XPNPEP3: variants seen among roughly 807,000 people sequenced by gnomAD.
The protein encoded by XPNPEP3 is X-prolyl aminopeptidase 3, also known as xaa-Pro aminopeptidase 3.
Under a neutral mutation model 60.0 loss-of-function variants are expected in XPNPEP3, and 41 were observed. The ratio of observed to expected loss-of-function variants is 0.68; its 90% confidence interval spans 0.53 to 0.89. The LOEUF (loss-of-function observed/expected upper bound fraction) is 0.89, where lower values mean the gene tolerates loss of function less well. XPNPEP3 is among the 40% of genes least tolerant of loss of function. The pLI is 0.00. For missense variants in XPNPEP3, 598 were observed against 638.9 expected, an observed-to-expected ratio of 0.94 and a Z score of 0.69; for synonymous variants, 212 against 223.2, an observed-to-expected ratio of 0.95 and a Z score of 0.45.
intron 4 of XPNPEP3, among the ~76,000 whole-genome samples, chr22:40,892,653 T>C (rs980004170): frequency 2.0e-5 from 3 of 152,188 alleles, no homozygotes; most frequent in Non-Finnish European, 4.4e-5. Context: ...ACTGTTTCAT[T>C]TGTACAACTG....
chr22:40,903,208 G>GA (rs2058141590), intron 4 of XPNPEP3, among the ~76,000 whole-genome samples: 1 of 152,202 alleles, frequency 6.6e-6, no homozygotes, highest in Non-Finnish European at 1.5e-5. Flanking sequence ...GCTAATTTCA[G>GA]ACCTGCTGGA....
At chr22:40,868,300 G>A (rs907837861) in intron 1 of XPNPEP3, among the ~76,000 whole-genome samples, 3 of 151,956 alleles carry the variant, frequency 2.0e-5, no homozygotes, top group Non-Finnish European at 2.9e-5. Context: ...CTGAGTTTTA[G>A]GACACAGCTT....
chr22:40,891,652 C>CA (rs753299355), intron 4 of XPNPEP3, among the ~76,000 whole-genome samples: 291 of 113,800 alleles, frequency 2.6e-3, no homozygotes, highest in African/African-American at 3.4e-3. Flanking sequence ...GACTCCATCT[C>CA]AAAAAAAAAA....
At chr22:40,898,933 C>T (rs1298925857) in intron 4 of XPNPEP3, among the ~76,000 whole-genome samples, 2 of 152,114 alleles carry the variant, frequency 1.3e-5, no homozygotes, top group East Asian at 1.9e-4. Flanking sequence ...GACAGTTGCC[C>T]ATATCTAGAT....
chr22:40,924,713 G>A (rs1744151366), intron 9 of XPNPEP3, among the ~76,000 whole-genome samples: 2 of 152,176 alleles, frequency 1.3e-5, no homozygotes, highest in South Asian at 4.2e-4. Context: ...AGTAGAGACG[G>A]GGTTTCGCCA....
At chr22:40,889,541 A>G (rs531876386) in intron 4 of XPNPEP3, among the ~76,000 whole-genome samples, 1 of 152,360 alleles carries the variant, frequency 6.6e-6, no homozygotes, top group South Asian at 2.1e-4. Context: ...CAAAATACAT[A>G]GACAAGCAGG....
At position 40,882,097 on chromosome 22, in the gene XPNPEP3, C is replaced by G; in HGVS notation, c.509C>G (p.Thr170Ser). The G allele has an allele frequency of 6.2e-7, 1 of 1,614,108 alleles. No homozygotes were observed. The highest frequency in any genetic ancestry group is 8.5e-7 in the Non-Finnish European group (1 of 1,180,004). Residue 170 changes from threonine to serine, a missense_variant, in exon 3 of 10, where the codon ACT becomes AGT. By Grantham distance (58) the Thr-to-Ser change is moderately conservative. Coordinates refer to ENST00000357137, the MANE Select transcript of XPNPEP3 (RefSeq NM_022098.4). ...CTTTGGGATGGTCCGCGATCTGGCA[C>G]TGATGGAGCAATAGCTCTAACTGGA... ...RELWDGPRSG[T>S]DGAIALTGVD...
chr22:40,900,885 A>T (rs1388161362), intron 4 of XPNPEP3, among the ~76,000 whole-genome samples: 2 of 152,148 alleles, frequency 1.3e-5, no homozygotes, highest in Non-Finnish European at 2.9e-5. Flanking sequence ...GTGAGCCAAG[A>T]TCACAGCACT....
intron 8 of XPNPEP3, among the ~76,000 whole-genome samples, chr22:40,923,248 A>G (rs2146281432): frequency 6.6e-6 from 1 of 152,114 alleles, no homozygotes; most frequent in Non-Finnish European, 1.5e-5. Flanking sequence ...TTAACTTTTA[A>G]TCCTTTTATG....
At chr22:40,901,637 G>A (rs1296007223) in intron 4 of XPNPEP3, among the ~76,000 whole-genome samples, 1 of 152,138 alleles carries the variant, frequency 6.6e-6, no homozygotes, top group Non-Finnish European at 1.5e-5. Context: ...ACCACGCCTG[G>A]CTAATTTTTG....
At chr22:40,900,086 A>G (rs560886199) in intron 4 of XPNPEP3, among the ~76,000 whole-genome samples, 2 of 152,088 alleles carry the variant, frequency 1.3e-5, no homozygotes, top group African/African-American at 4.8e-5. Context: ...AAATACATAA[A>G]TAAAATGGAT....
intron 1 of XPNPEP3, chr22:40,861,426 G>C: frequency 6.2e-7 from 1 of 1,613,754 alleles, no homozygotes. Context: ...GATTTTGTCT[G>C]AAGTTGTAAC....
chr22:40,857,253 T>A lies in XPNPEP3; in HGVS notation c.64+8T>A, dbSNP rs1181359998. On this transcript the variant is annotated splice_region_variant and intron_variant, in intron 1 of 9. Transcript: ENST00000357137. ...ACGTCCGCGGCCTCTCAGGTTAGAC[T>A]CTTCTCCCACGGTCTCCTCCCATGG... is the stretch of plus-strand genomic sequence containing the variant. The A allele has an allele frequency of 6.2e-7, 1 of 1,614,108 alleles. No homozygotes were observed. The highest frequency in any genetic ancestry group is 1.7e-5 in the Admixed American group (1 of 60,018).
chr22:40,914,745 A>G (rs1047233271), intron 7 of XPNPEP3, among the ~76,000 whole-genome samples: 3 of 151,878 alleles, frequency 2.0e-5, no homozygotes, highest in Non-Finnish European at 4.4e-5. Flanking sequence ...TTTTTTAAAA[A>G]ATAAAGTTGA....
chr22:40,872,804 C>A (rs952528101), intron 2 of XPNPEP3, among the ~76,000 whole-genome samples: 2 of 152,036 alleles, frequency 1.3e-5, no homozygotes, highest in Non-Finnish European at 2.9e-5. Context: ...AAAGATGCTT[C>A]CATGGTTCCC....
chr22:40,862,090 T>G, intron 1 of XPNPEP3: 3 of 1,514,360 alleles, frequency 2.0e-6, no homozygotes, highest in Non-Finnish European at 2.6e-6. Flanking sequence ...AGGTAGTGAC[T>G]GCAAATAGGT....
At chr22:40,870,430 C>A (rs2057999347) in intron 2 of XPNPEP3, 1 of 161,928 alleles carries the variant, frequency 6.2e-6, no homozygotes, top group African/African-American at 2.4e-5. Context: ...CGTATATGTT[C>A]ACATACATAT....
Position 40,881,851 on chromosome 22 carries a change from A to G in XPNPEP3, c.263A>G (p.Gln88Arg), listed in dbSNP as rs753043524. 82 of 1,613,402 alleles carry G rather than the reference A, an allele frequency of 5.1e-5. No individual in the cohort carries two copies. Among genetic ancestry groups the G allele is most frequent in the Middle Eastern group, 1.6e-4 (1 of 6,082 alleles). ...KLMSLIQKEA[Q>R]GQSGTDQTVV... Reference sequence around the variant, plus strand: ...ATGTCTCTGATCCAGAAGGAAGCTCAAGGGCAGAGTGGGACAGACCAGACA... The same window carrying G: ...ATGTCTCTGATCCAGAAGGAAGCTCGAGGGCAGAGTGGGACAGACCAGACA... Residue 88 changes from glutamine (Q) to arginine (R), a missense_variant, in exon 3 of 10, where the codon CAA (glutamine) becomes CGA (arginine). Transcript: ENST00000357137.
intron 2 of XPNPEP3, among the ~76,000 whole-genome samples, chr22:40,873,071 G>C (rs1035541521): frequency 1.3e-5 from 2 of 148,876 alleles, no homozygotes; most frequent in South Asian, 4.3e-4. Context: ...ACCACTTCAT[G>C]GTTGTTTTCT....
Sources: allele counts gnomAD v4.1 joint callset (sites outside exome capture counted in the v4.1 genomes callset), GRCh38; gene constraint gnomAD v4.1.1; transcripts MANE v1.5; gene names NCBI Gene and HGNC (gene_info 2026-07-23, HGNC 2026-07-21).